The following ANGPTL5 variants were observed in gnomAD, a reference collection of about 807,000 sequenced individuals.
ANGPTL5 encodes the protein angiopoietin like 5.
In ANGPTL5, 34 loss-of-function variants were observed where a neutral mutation model predicts 39.4. The observed-to-expected ratio is 0.86, with a 90% CI of 0.66 to 1.15. The LOEUF (loss-of-function observed/expected upper bound fraction) is 1.15. ANGPTL5 is among the 50% of genes most tolerant of loss of function. The pLI, the probability that ANGPTL5 is intolerant of heterozygous loss-of-function variation, is 0.00. For missense variants in ANGPTL5, 467 were observed against 457.5 expected (o/e 1.02, Z -0.19); for synonymous variants, 146 against 152.1 (o/e 0.96, Z 0.29).
At chr11:101,909,058 G>A (rs564535269) in intron 1 of ANGPTL5, among the ~76,000 whole-genome samples, 11 of 152,154 alleles carry the variant, frequency 7.2e-5, no homozygotes, top group African/African-American at 2.6e-4. Flanking sequence ...CTTCTGGTTC[G>A]AGACATTATT....
rs577573435 is a variant in ANGPTL5, at chr11:101,900,478, A to T, written c.613T>A (p.Phe205Ile). The part of the protein sequence containing the change: ...IQKRIDGIID[F>I]QRLWCDYLDG... ...AGATAATCACACCACAACCTCTGGAAATCAATTATCCCATCAATTCTTTTC... is the reference window on the plus strand; with the variant it reads ...AGATAATCACACCACAACCTCTGGATATCAATTATCCCATCAATTCTTTTC... Residue 205 changes from phenylalanine to isoleucine, a missense_variant, in exon 7 of 9, where the codon TTC (phenylalanine) becomes ATC (isoleucine). Coordinates refer to ENST00000334289, the MANE Select transcript of ANGPTL5 (RefSeq NM_178127.5). 1.2e-5 allele frequency: 20 copies of T among 1,613,606 alleles called. No homozygotes were observed. In the East Asian group the frequency reaches 2.5e-4, roughly 20 times the overall value.
intron 2 of ANGPTL5, 54 bp downstream of exon 2, chr11:101,907,760 T>C (rs113018418): frequency 2.6e-6 from 3 of 1,158,342 alleles, no homozygotes; most frequent in South Asian, 1.3e-5. Flanking sequence ...CTAATATATA[T>C]CTTGAAAGCT....
chr11:101,915,246 G>C (rs1940176862), intron 1 of ANGPTL5: 7 of 1,611,134 alleles, frequency 4.3e-6, no homozygotes, highest in Non-Finnish European at 5.1e-6. Flanking sequence ...CATGAGGGAG[G>C]TTCTGGGGGC....
rs1940024994 is a variant in ANGPTL5, at chr11:101,907,882, AGAGT to A, written c.24_27del (p.Leu9TyrfsTer3). 3 of 1,610,270 alleles carry A rather than the reference AGAGT, an allele frequency of 1.9e-6. No homozygotes were observed. Among genetic ancestry groups the A allele is most frequent in the Non-Finnish European group, 1.7e-6 (2 of 1,176,744 alleles). ...ATAAAAATACATACATTTAAGAATA[AGAGT>A]GAGGCTTGGGATGGAGACATCATAT... On this transcript the variant is annotated frameshift_variant, in exon 2 of 9. Transcript: ENST00000334289. LOFTEE classifies it high-confidence loss of function.
intron 1 of ANGPTL5, among the ~76,000 whole-genome samples, chr11:101,912,023 T>C (rs922071801): frequency 6.6e-6 from 1 of 152,208 alleles, no homozygotes; most frequent in African/African-American, 2.4e-5. Flanking sequence ...CTGACATTGG[T>C]CTCTATCCCC....
chr11:101,891,401 A>G lies in ANGPTL5; in HGVS notation c.1045T>C (p.Phe349Leu), dbSNP rs747763907. The G allele has an allele frequency of 6.6e-5, 106 of 1,613,960 alleles. 1 individual carries two copies. In the East Asian group the frequency reaches 2.4e-3, roughly 36 times the overall value. The change falls in exon 9 of 9, where the codon TTC (phenylalanine) becomes CTC (leucine). Residue 349 changes from phenylalanine (F) to leucine (L), a missense_variant. By Grantham distance (22) the Phe-to-Leu change is conservative (BLOSUM62 0). Transcript: ENST00000334289. ...CCAGTTGCAAGCAATTTTCCAGAGAAGTGATGAATGCCATTTAGATTTGCT... is the reference window on the plus strand; with the variant it reads ...CCAGTTGCAAGCAATTTTCCAGAGAGGTGATGAATGCCATTTAGATTTGCT... Reference protein sequence around the residue: ...GLANLNGIHHFSGKLLATGIQ... With the variant: ...GLANLNGIHHLSGKLLATGIQ...
At chr11:101,895,142 T>G in intron 7 of ANGPTL5, 78 bp from the exon 8 acceptor site, 1 of 1,244,020 alleles carries the variant, frequency 8.0e-7, no homozygotes, top group Non-Finnish European at 1.1e-6. Flanking sequence ...TTTGGTCTTG[T>G]TTAGCATTTC....
At chr11:101,913,491 C>G (rs935092544) in intron 1 of ANGPTL5, among the ~76,000 whole-genome samples, 5 of 152,196 alleles carry the variant, frequency 3.3e-5, no homozygotes, top group African/African-American at 1.2e-4. Flanking sequence ...GGCACACTCC[C>G]AGCTTGTGGG....
At position 101,894,950 on chromosome 11, in the gene ANGPTL5, T is replaced by C. The variant is rs762728136; in HGVS notation, c.776A>G (p.Tyr259Cys). ...TTCATCCTCTAGCCAAAAATTATCA[T>C]ATGATGCATAAGCAAGAGTGTCATC... ...SEDDTLAYASYDNFWLEDETR... is the reference protein window; with the variant it reads ...SEDDTLAYASCDNFWLEDETR... Residue 259 changes from tyrosine (Y) to cysteine (C), a missense_variant, in exon 8 of 9, where the codon TAT becomes TGT. Coordinates refer to ENST00000334289, the MANE Select transcript of ANGPTL5 (RefSeq NM_178127.5). 1.8e-5 allele frequency: 29 copies of C among 1,612,952 alleles called. No individual in the cohort carries two copies. The highest frequency in any genetic ancestry group is 2.2e-5 in the East Asian group (1 of 44,780).
chr11:101,899,468 A>T (rs891493540), intron 7 of ANGPTL5, among the ~76,000 whole-genome samples: 5 of 152,226 alleles, frequency 3.3e-5, no homozygotes, highest in Non-Finnish European at 7.3e-5. Flanking sequence ...CTGCCTGAAG[A>T]CCTGGTTAGT....
At chr11:101,907,014 C>A (rs1940007502) in intron 3 of ANGPTL5, 89 bp downstream of exon 3, 6 of 1,047,038 alleles carry the variant, frequency 5.7e-6, no homozygotes, top group Non-Finnish European at 8.2e-6. Flanking sequence ...GAAAATGACC[C>A]AGACAAAAGC....
At chr11:101,903,589 T>C (rs1301596381) in intron 5 of ANGPTL5, among the ~76,000 whole-genome samples, 1 of 152,160 alleles carries the variant, frequency 6.6e-6, no homozygotes, top group African/African-American at 2.4e-5. Flanking sequence ...AAATGCCATC[T>C]ACAAAAAGTT....
intron 1 of ANGPTL5, among the ~76,000 whole-genome samples, chr11:101,912,888 A>C (rs1238603157): frequency 2.0e-5 from 3 of 152,242 alleles, no homozygotes; most frequent in Non-Finnish European, 4.4e-5. Context: ...CGGAACAGAC[A>C]CTTGGTGGCA....
At chr11:101,895,524 A>C (rs1470197) in intron 7 of ANGPTL5, among the ~76,000 whole-genome samples, 118,185 of 152,112 alleles carry the variant, frequency 0.78, 46,987 homozygotes, top group East Asian at 0.99. Flanking sequence ...CCTGAAGAAA[A>C]ATTTCCTAAA....
At chr11:101,893,882 T>C (rs1442199806) in intron 8 of ANGPTL5, among the ~76,000 whole-genome samples, 3 of 152,156 alleles carry the variant, frequency 2.0e-5, no homozygotes, top group African/African-American at 4.8e-5. Flanking sequence ...GCTGCTCTGT[T>C]TGTCAGCCTT....
chr11:101,894,318 C>T (rs1939754751), intron 8 of ANGPTL5, among the ~76,000 whole-genome samples: 1 of 152,168 alleles, frequency 6.6e-6, no homozygotes, highest in African/African-American at 2.4e-5. Flanking sequence ...TTTACATTTT[C>T]AGCATTAAAA....
intron 7 of ANGPTL5, among the ~76,000 whole-genome samples, chr11:101,899,072 C>T (rs1297215011): frequency 6.6e-6 from 1 of 152,180 alleles, no homozygotes; most frequent in Non-Finnish European, 1.5e-5. Flanking sequence ...ATTTTCGCAT[C>T]AATGTTCATC....
At chr11:101,893,280 T>A (rs955921978) in intron 8 of ANGPTL5, among the ~76,000 whole-genome samples, 3 of 152,250 alleles carry the variant, frequency 2.0e-5, no homozygotes, top group Non-Finnish European at 2.9e-5. Flanking sequence ...TCAAGTCTTA[T>A]AATCAGGAAT....
chr11:101,909,602 G>A (rs988945441), intron 1 of ANGPTL5, among the ~76,000 whole-genome samples: 1 of 152,138 alleles, frequency 6.6e-6, no homozygotes, highest in Admixed American at 6.5e-5. Flanking sequence ...AAATCAGCCA[G>A]ATGTTAAAAT....
Sources: gnomAD v4.1 joint callset for allele counts (sites outside exome capture counted in the v4.1 genomes callset) on GRCh38, gnomAD v4.1.1 for gene constraint, MANE v1.5 for transcripts, NCBI Gene and HGNC (gene_info 2026-07-23, HGNC 2026-07-21) for gene names.